ARHGEF28: variants seen among roughly 807,000 people sequenced by gnomAD.
ARHGEF28 encodes the protein 190 kDa guanine nucleotide exchange factor.
A neutral mutation model predicts 206.6 loss-of-function variants in ARHGEF28; 152 were observed. The observed-to-expected ratio is 0.74, with a 90% CI of 0.64 to 0.84. The LOEUF (loss-of-function observed/expected upper bound fraction) is 0.84, where lower values mean the gene tolerates loss of function less well. ARHGEF28 is among the 40% of genes least tolerant of loss of function. The pLI is 0.00. For synonymous variants in ARHGEF28, 763 were observed against 776.4 expected (o/e 0.98, Z 0.29); for missense variants, 2,028 against 2,073.2 (o/e 0.98, Z 0.42).
At position 73,806,241 on chromosome 5, in the gene ARHGEF28, A is replaced by G. The variant is rs147642769; in HGVS notation, c.1024+10850A>G. On this transcript the variant is annotated intron_variant, in intron 9 of 35. Transcript: ENST00000513042. The stretch of plus-strand genomic sequence containing the variant: ...ATCGATATATAGTACATATCAATAT[A>G]TACTATATATCGATATATAGTATAT... Among the ~76,000 whole-genome samples the G allele has an allele frequency of 9.6e-3, 1,264 of 131,542 alleles. 7 individuals are homozygous for G. Among genetic ancestry groups the G allele is most frequent in the African/African-American group, 0.019 (649 of 33,792 alleles). The allele number at this position is 131,542 out of a possible 152,430, so 86.3% of individuals were successfully genotyped here. A position where few individuals can be genotyped will look rare whatever the true frequency, so the allele number is the denominator to read the frequency against.
At chr5:73,874,920 T>G (rs1479474976) in intron 22 of ARHGEF28, among the ~76,000 whole-genome samples, 2 of 151,566 alleles carry the variant, frequency 1.3e-5, no homozygotes, top group Non-Finnish European at 2.9e-5. Context: ...TTATAGTCCT[T>G]TGGGTATATA....
At chr5:73,673,809 T>G (rs1265766808) in intron 1 of ARHGEF28, among the ~76,000 whole-genome samples, 2 of 152,112 alleles carry the variant, frequency 1.3e-5, no homozygotes, top group Non-Finnish European at 2.9e-5. Context: ...ATAGGTACTA[T>G]GATTAATTCT....
At chr5:73,790,486 A>T (rs1282721437) in intron 7 of ARHGEF28, among the ~76,000 whole-genome samples, 1 of 152,178 alleles carries the variant, frequency 6.6e-6, no homozygotes, top group Non-Finnish European at 1.5e-5. Context: ...GATTTCTTCC[A>T]TCTTGGTTTC....
rs539856457 is a variant in ARHGEF28 at position 73,719,858 on chromosome 5, A to G, written c.34-29979A>G. ...CTCGGTTGTGCCACTATAATGGATTACTAGTGTAATCGAGGCAAGGCAGTT... is the reference window on the plus strand; with the variant it reads ...CTCGGTTGTGCCACTATAATGGATTGCTAGTGTAATCGAGGCAAGGCAGTT... On this transcript the variant is annotated intron_variant, in intron 2 of 35. Transcript: ENST00000513042. 4.6e-5 allele frequency among the ~76,000 whole-genome samples: 7 copies of G among 152,370 alleles called. No homozygotes were observed. The South Asian group carries it at 6.2e-4, about 14-fold the overall frequency.
At chr5:73,700,966 T>C (rs1321364060) in intron 2 of ARHGEF28, among the ~76,000 whole-genome samples, 1 of 152,224 alleles carries the variant, frequency 6.6e-6, no homozygotes, top group Non-Finnish European at 1.5e-5. Flanking sequence ...AGTCCAAGAT[T>C]GGCTTTCATA....
chr5:73,869,979 T>G, intron 20 of ARHGEF28, 90 bp from the exon 21 acceptor site: 1 of 1,435,300 alleles, frequency 7.0e-7, no homozygotes, highest in Non-Finnish European at 9.5e-7. Context: ...GCAGATTTAT[T>G]TAGGGTGAGG....
intron 4 of ARHGEF28, among the ~76,000 whole-genome samples, chr5:73,772,626 G>A (rs760410805): frequency 2.9e-4 from 44 of 152,108 alleles, no homozygotes; most frequent in Non-Finnish European, 5.0e-4. Context: ...TGATCCTCCC[G>A]CGTTGGCCTC....
chr5:73,784,738 T>C (rs115997298), intron 7 of ARHGEF28, among the ~76,000 whole-genome samples: 2,529 of 152,304 alleles, frequency 0.017, 65 homozygotes, highest in African/African-American at 0.058. Context: ...TATGTTTTTT[T>C]CTATACATAC....
chr5:73,839,645 C>A (rs531791928), intron 10 of ARHGEF28, among the ~76,000 whole-genome samples: 1 of 152,248 alleles, frequency 6.6e-6, no homozygotes, highest in Non-Finnish European at 1.5e-5. Flanking sequence ...CCAGAAGTTC[C>A]GTCCTTTCTC....
intron 1 of ARHGEF28, among the ~76,000 whole-genome samples, chr5:73,631,991 C>A (rs1743397016): frequency 6.6e-6 from 1 of 152,170 alleles, no homozygotes; most frequent in Admixed American, 6.5e-5. Flanking sequence ...GTATATAAGT[C>A]TCAACTTTAC....
chr5:73,901,516 G>A (rs891869317), intron 31 of ARHGEF28: 34 of 360,460 alleles, frequency 9.4e-5, no homozygotes, highest in Non-Finnish European at 1.6e-4. Flanking sequence ...TTATTAAAAA[G>A]ATTAAAAACT....
chr5:73,647,609 T>G lies in ARHGEF28; in HGVS notation c.-12+21287T>G, dbSNP rs185567461. Among the ~76,000 whole-genome samples the G allele has an allele frequency of 5.8e-4, 89 of 152,376 alleles. 1 individual carries two copies. The highest frequency in any genetic ancestry group is 1.7e-3 in the Admixed American group (26 of 15,310). Reference sequence around the variant, plus strand: ...TTTTAACCTACTATATCTAAAATATTGTTATTTCAATATGTAGGACTAGCC... The same window carrying G: ...TTTTAACCTACTATATCTAAAATATGGTTATTTCAATATGTAGGACTAGCC... On this transcript the variant is annotated intron_variant, in intron 1 of 35. Coordinates refer to ENST00000513042, the MANE Select transcript of ARHGEF28 (RefSeq NM_001177693.2).
At chr5:73,928,683 G>A (rs1370437318) in intron 35 of ARHGEF28, among the ~76,000 whole-genome samples, 1 of 152,102 alleles carries the variant, frequency 6.6e-6, no homozygotes, top group African/African-American at 2.4e-5. Context: ...GCCTTACTCA[G>A]CTGGCAGAGA....
At chr5:73,870,272 T>C in intron 21 of ARHGEF28, 63 bp downstream of exon 21, 1 of 1,533,662 alleles carries the variant, frequency 6.5e-7, no homozygotes, top group Non-Finnish European at 8.8e-7. Context: ...GAACATGGAA[T>C]TTGCAACTGT....
At chr5:73,731,025 C>G (rs541585265) in intron 2 of ARHGEF28, among the ~76,000 whole-genome samples, 1 of 131,600 alleles carries the variant, frequency 7.6e-6, no homozygotes, top group East Asian at 2.1e-4. Flanking sequence ...AAAAAAAAAC[C>G]CTCTAATCTC....
At chr5:73,787,065 T>C (rs906369093) in intron 7 of ARHGEF28, among the ~76,000 whole-genome samples, 5 of 152,194 alleles carry the variant, frequency 3.3e-5, no homozygotes, top group African/African-American at 1.2e-4. Context: ...ACACAAAGTG[T>C]TGTTTCCAAG....
chr5:73,932,840 G>T (rs1402204006), intron 35 of ARHGEF28, among the ~76,000 whole-genome samples: 1 of 94,708 alleles, frequency 1.1e-5, no homozygotes, highest in Admixed American at 1.8e-4. Context: ...ACAGAGTTTC[G>T]CTCTGTCGCC....
intron 35 of ARHGEF28, among the ~76,000 whole-genome samples, chr5:73,920,708 T>C (rs1301759381): frequency 6.6e-6 from 1 of 152,158 alleles, no homozygotes; most frequent in Non-Finnish European, 1.5e-5. Context: ...ATCAGGTATT[T>C]GCCCTAATGG....
chr5:73,759,783 A>C (rs1021751601), intron 4 of ARHGEF28, among the ~76,000 whole-genome samples: 1 of 152,186 alleles, frequency 6.6e-6, no homozygotes, highest in Non-Finnish European at 1.5e-5. Context: ...ATTACAAAAG[A>C]GTGGATGGGA....
Sources: gnomAD v4.1 joint callset for allele counts (sites outside exome capture counted in the v4.1 genomes callset) on GRCh38, gnomAD v4.1.1 for gene constraint, MANE v1.5 for transcripts, NCBI Gene and HGNC (gene_info 2026-07-23, HGNC 2026-07-21) for gene names.